The following PIK3CA variants were observed in gnomAD, a reference collection of about 807,000 sequenced individuals.
PIK3CA encodes phosphatidylinositol-4,5-bisphosphate 3-kinase catalytic subunit alpha, also known as phosphatidylinositol 4,5-bisphosphate 3-kinase catalytic subunit alpha isoform.
Under a neutral mutation model 138.2 loss-of-function variants are expected in PIK3CA, and 27 were observed. The ratio of observed to expected loss-of-function variants is 0.20; its 90% confidence interval spans 0.14 to 0.27. The LOEUF (loss-of-function observed/expected upper bound fraction) is 0.27, where lower values mean the gene tolerates loss of function less well. PIK3CA is among the 10% of genes least tolerant of loss of function. The probability of loss-of-function intolerance (pLI) is 1.00; values close to 1 mark genes in which losing one functional copy is unlikely to be tolerated. For missense variants in PIK3CA, 544 were observed against 1,277.4 expected (o/e 0.43, Z 8.75); for synonymous variants, 358 against 413.2 (o/e 0.87, Z 1.62).
chr3:179,207,335 A>ATG (rs1025098416), intron 6 of PIK3CA, among the ~76,000 whole-genome samples: 5 of 152,068 alleles, frequency 3.3e-5, no homozygotes, highest in African/African-American at 4.8e-5. Context: ...GCATGTGTAT[A>ATG]TGTGTGTGTG....
intron 1 of PIK3CA, among the ~76,000 whole-genome samples, chr3:179,156,756 C>G (rs929345313): frequency 2.0e-5 from 3 of 152,162 alleles, no homozygotes; most frequent in African/African-American, 7.2e-5. Flanking sequence ...AGGATGTACT[C>G]ATTTTTCAAC....
intron 1 of PIK3CA, among the ~76,000 whole-genome samples, chr3:179,157,713 G>C (rs1723175046): frequency 6.6e-6 from 1 of 151,998 alleles, no homozygotes; most frequent in Admixed American, 6.6e-5. Context: ...TCTTAGAAAA[G>C]CCACAAAATA....
At chr3:179,169,211 A>C (rs1166764010) in intron 1 of PIK3CA, 1 of 152,180 alleles carries the variant, frequency 6.6e-6, no homozygotes, top group Non-Finnish European at 1.5e-5. Flanking sequence ...GAAGTGACCT[A>C]TCCAGTAGGG....
chr3:179,181,173 G>A lies in PIK3CA; in HGVS notation c.-76-17577G>A, dbSNP rs144276754. On this transcript the variant is annotated intron_variant, in intron 1 of 20. Transcript: ENST00000263967. ...AGTAGTAAAAGCAGACAGATGGACA[G>A]TTCTGTTAGTTTTGGAGTGTGTGAA... Among the ~76,000 whole-genome samples, 1,027 of 152,282 alleles carry A rather than the reference G, an allele frequency of 6.7e-3. 64 individuals are homozygous for A. The South Asian group carries it at 0.14, about 20-fold the overall frequency.
intron 20 of PIK3CA, chr3:179,233,272 T>G (rs2108428027): frequency 2.5e-6 from 1 of 398,354 alleles, no homozygotes; most frequent in South Asian, 1.3e-4. Flanking sequence ...AATGTGGGCT[T>G]CCTTGTCTTG....
rs1163026275 is a variant in PIK3CA at position 179,220,279 on chromosome 3, AT to A, written c.2015+232del. 1.3e-5 allele frequency among the ~76,000 whole-genome samples: 2 copies of A among 152,112 alleles called. No homozygotes were observed. The highest frequency in any genetic ancestry group is 2.9e-5 in the Non-Finnish European group (2 of 67,998). ...TTTAGTCATGAATGAGAGCTTAAAT[AT>A]TTTTAAAGATTTTTGTTCTACTTAA... On this transcript the variant is annotated intron_variant, in intron 13 of 20. Transcript: ENST00000263967. The surrounding 1 kb of genome is among the most constrained non-coding windows in gnomAD (Gnocchi z 4.1).
intron 6 of PIK3CA, 92 bp from the exon 7 acceptor site, chr3:179,209,503 T>G: frequency 1.5e-6 from 1 of 679,956 alleles, no homozygotes; most frequent in Non-Finnish European, 2.5e-6. Flanking sequence ...TTCGTTTGGT[T>G]GATCTTTGTC....
intron 1 of PIK3CA, among the ~76,000 whole-genome samples, chr3:179,150,696 C>T (rs1388182219): frequency 6.6e-6 from 1 of 152,140 alleles, no homozygotes; most frequent in African/African-American, 2.4e-5. Flanking sequence ...AGCTTCCTTC[C>T]TGTCAGGATA....
intron 1 of PIK3CA, among the ~76,000 whole-genome samples, chr3:179,161,354 T>G (rs1205300504): frequency 2.0e-5 from 3 of 152,202 alleles, no homozygotes; most frequent in African/African-American, 7.2e-5. Flanking sequence ...TGAATTTCCT[T>G]TAGCACATCC....
At chr3:179,187,617 A>G (rs986600104) in intron 1 of PIK3CA, among the ~76,000 whole-genome samples, 14 of 151,140 alleles carry the variant, frequency 9.3e-5, no homozygotes, top group African/African-American at 3.4e-4. Flanking sequence ...AGAACTTTAC[A>G]TATACCATCT....
intron 1 of PIK3CA, among the ~76,000 whole-genome samples, chr3:179,172,316 G>A (rs888956708): frequency 2.6e-5 from 4 of 152,018 alleles, no homozygotes; most frequent in Non-Finnish European, 4.4e-5. Context: ...CACTTAAGAT[G>A]AAGAACAAGG....
In PIK3CA at chr3:179,224,064, C is replaced by T. The variant is rs1725026056; in HGVS notation, c.2188-17C>T. 1 of 1,383,234 alleles carries T rather than the reference C, an allele frequency of 7.2e-7. No homozygotes were observed. The highest frequency in any genetic ancestry group is 1.0e-6 in the Non-Finnish European group (1 of 976,852). The allele number at this position is 1,383,234 out of a possible 1,614,324, so 85.7% of individuals were successfully genotyped here. A position where few individuals can be genotyped will look rare whatever the true frequency, so the allele number is the denominator to read the frequency against. On this transcript the variant is annotated splice_polypyrimidine_tract_variant and intron_variant, in intron 14 of 20. Coordinates refer to ENST00000263967, the MANE Select transcript of PIK3CA (RefSeq NM_006218.4). ...TAAGTCAGTTTCTTACTGTGACTATCCTTTTTTTTTAATCAGGTACAGATG... is the reference window on the plus strand; with the variant it reads ...TAAGTCAGTTTCTTACTGTGACTATTCTTTTTTTTTAATCAGGTACAGATG...
intron 9 of PIK3CA, 75 bp downstream of exon 9, chr3:179,210,640 A>G (rs2108402004): frequency 7.0e-7 from 1 of 1,419,646 alleles, no homozygotes; most frequent in East Asian, 2.3e-5. Flanking sequence ...TCTATGGAAA[A>G]GGATCCATAT....
At position 179,234,138 on chromosome 3, in the gene PIK3CA, A is replaced by G. The variant is rs373295359; in HGVS notation, c.2981A>G (p.His994Arg). ...CYKAYLAIRQ[H>R]ANLFINLFSM... Reference sequence around the variant, plus strand: ...AAGGCTTATCTAGCTATTCGACAGCATGCCAATCTCTTCATAAATCTTTTC... The same window carrying G: ...AAGGCTTATCTAGCTATTCGACAGCGTGCCAATCTCTTCATAAATCTTTTC... The change falls in exon 21 of 21, where the codon CAT becomes CGT. Residue 994 changes from histidine (H) to arginine (R), a missense_variant. This residue lies in a region of PIK3CA where 13 missense variants were observed against 17.3 expected (regional missense o/e 0.75). Coordinates refer to ENST00000263967, the MANE Select transcript of PIK3CA (RefSeq NM_006218.4). The surrounding 1 kb of genome is among the most constrained non-coding windows in gnomAD (Gnocchi z 5.1). The G allele has an allele frequency of 6.2e-6, 10 of 1,612,672 alleles. No homozygotes were observed. The highest frequency in any genetic ancestry group is 3.3e-5 in the Admixed American group (2 of 59,948).
chr3:179,178,261 CAAAAAAAAAA>C (rs60887179), intron 1 of PIK3CA, among the ~76,000 whole-genome samples: 3 of 79,888 alleles, frequency 3.8e-5, no homozygotes, highest in Non-Finnish European at 8.9e-5. Flanking sequence ...CTCTAAAGAT[CAAAAAAAAAA>C]AAAAAAAAAC....
chr3:179,210,571 G>A lies in PIK3CA; in HGVS notation c.1539+6G>A, dbSNP rs1428643736. The stretch of plus-strand genomic sequence containing the variant: ...GCTATTCCCACGCAGGACTGGTAAG[G>A]CAAATCACTGAGTTTATTAAGTATC... On this transcript the variant is annotated splice_donor_region_variant and intron_variant, in intron 9 of 20. Transcript: ENST00000263967. 6.2e-7 allele frequency: 1 copy of A among 1,611,978 alleles called. No individual in the cohort carries two copies.
chr3:179,214,090 A>G (rs1020114006), intron 9 of PIK3CA, among the ~76,000 whole-genome samples: 1 of 152,194 alleles, frequency 6.6e-6, no homozygotes. Context: ...TTCTATCTAG[A>G]CCACTAAAAC....
At chr3:179,218,375 T>G in intron 10 of PIK3CA, 41 bp downstream of exon 10, 1 of 1,529,128 alleles carries the variant, frequency 6.5e-7, no homozygotes, top group Non-Finnish European at 8.9e-7. Flanking sequence ...TTTTTCTTTA[T>G]TACAGAAAAA....
chr3:179,149,860 A>C (rs565970641), intron 1 of PIK3CA: 7 of 152,212 alleles, frequency 4.6e-5, no homozygotes, highest in Non-Finnish European at 8.8e-5. Context: ...AAATTTGTTT[A>C]TGTGCTGGAT....
Sources: allele counts gnomAD v4.1 joint callset (sites outside exome capture counted in the v4.1 genomes callset), GRCh38; gene constraint gnomAD v4.1.1; regional missense constraint gnomAD v4.1.1; non-coding constraint Gnocchi (gnomAD v3.1); transcripts MANE v1.5; gene names NCBI Gene and HGNC (gene_info 2026-07-23, HGNC 2026-07-21).